Variants in INTS7 observed in about 807,000 individuals in gnomAD.
INTS7 encodes integrator complex subunit 7, also known as chromosome 1 open reading frame 73.
Under a neutral mutation model 109.2 loss-of-function variants are expected in INTS7, and 46 were observed. That is an observed-to-expected ratio of 0.42 (90% confidence interval 0.33 to 0.54). The LOEUF is 0.54. INTS7 is among the 20% of genes least tolerant of loss of function. INTS7 has a pLI of 0.07. For synonymous variants in INTS7, 412 were observed against 402.9 expected (o/e 1.02, Z -0.27); for missense variants, 929 against 1,132.4 (o/e 0.82, Z 2.58).
intron 7 of INTS7, among the ~76,000 whole-genome samples, chr1:212,000,476 G>C (rs1665616503): frequency 6.6e-6 from 1 of 152,102 alleles, no homozygotes; most frequent in South Asian, 2.1e-4. Flanking sequence ...TTCATTTTAA[G>C]ACAGCACAAC....
intron 8 of INTS7, among the ~76,000 whole-genome samples, chr1:211,984,093 T>C (rs959077646): frequency 1.3e-5 from 2 of 152,094 alleles, no homozygotes; most frequent in Non-Finnish European, 2.9e-5. Flanking sequence ...CTCAAACTCT[T>C]GGCTTCAAAA....
chr1:211,969,551 C>CTTTTTTTTTTTTT (rs36104773), intron 13 of INTS7, among the ~76,000 whole-genome samples: 6 of 85,014 alleles, frequency 7.1e-5, no homozygotes, highest in Admixed American at 1.4e-4. Flanking sequence ...TTTTTCTTTT[C>CTTTTTTTTTTTTT]TTTTTTTTTT....
intron 18 of INTS7, 134 bp from the exon 19 acceptor site, chr1:211,945,103 G>A (rs985861648): frequency 1.4e-6 from 1 of 722,538 alleles, no homozygotes; most frequent in East Asian, 2.7e-5. Context: ...GGACCTGACT[G>A]TGCCAGGACA....
chr1:212,017,081 A>C, intron 3 of INTS7, 58 bp from the exon 4 acceptor site: 1 of 1,433,220 alleles, frequency 7.0e-7, no homozygotes, highest in Non-Finnish European at 9.4e-7. Flanking sequence ...AGGTCAGAAA[A>C]GTAAGAGGCA....
intron 1 of INTS7, among the ~76,000 whole-genome samples, chr1:212,033,325 A>G (rs1667254521): frequency 6.6e-6 from 1 of 152,240 alleles, no homozygotes; most frequent in Non-Finnish European, 1.5e-5. Context: ...GGCTATTTCT[A>G]TAACTTAATT....
At chr1:211,996,964 C>A (rs1295073134) in intron 7 of INTS7, among the ~76,000 whole-genome samples, 1 of 151,674 alleles carries the variant, frequency 6.6e-6, no homozygotes, top group Non-Finnish European at 1.5e-5. Flanking sequence ...GTCAAGACTG[C>A]AAAGAGCCGT....
intron 17 of INTS7, among the ~76,000 whole-genome samples, chr1:211,952,000 C>G (rs1663114917): frequency 6.6e-6 from 1 of 152,208 alleles, no homozygotes; most frequent in Admixed American, 6.5e-5. Context: ...AGGGTAAAGG[C>G]TGAAGAGTGT....
intron 5 of INTS7, 83 bp from the exon 6 acceptor site, chr1:212,007,532 C>A (rs1571899474): frequency 1.0e-6 from 1 of 1,000,948 alleles, no homozygotes; most frequent in East Asian, 2.5e-5. Context: ...ACTCATTTAG[C>A]AAAATTGCAC....
chr1:211,971,535 G>GA (rs1664169096), intron 13 of INTS7, among the ~76,000 whole-genome samples: 1 of 152,116 alleles, frequency 6.6e-6, no homozygotes, highest in Admixed American at 6.6e-5. Context: ...GCAAGTCAAA[G>GA]AAAAATATGA....
chr1:211,967,774 G>A (rs1663966995), intron 15 of INTS7, 104 bp downstream of exon 15: 1 of 647,940 alleles, frequency 1.5e-6, no homozygotes. Context: ...TAAATTTATA[G>A]GGTTATTTAA....
intron 17 of INTS7, among the ~76,000 whole-genome samples, chr1:211,947,138 G>C (rs895336641): frequency 2.6e-5 from 4 of 152,190 alleles, no homozygotes; most frequent in Non-Finnish European, 5.9e-5. Context: ...CTTTCATTAG[G>C]TGGCTTGTCT....
rs375628584 is a variant in INTS7, at chr1:211,964,185, T to C, written c.2183+2245A>G. On this transcript the variant is annotated intron_variant, in intron 16 of 19. Coordinates refer to ENST00000366994, the MANE Select transcript of INTS7 (RefSeq NM_015434.4). ...ATATAAAAAATCACTAGTATTCCTA[T>C]ATACCAACAACAGTCGAGCTGAAAG... Among the ~76,000 whole-genome samples, 6 of 152,156 alleles carry C rather than the reference T, an allele frequency of 3.9e-5. No homozygotes were observed. In the East Asian group the frequency reaches 9.6e-4, roughly 24 times the overall value.
intron 16 of INTS7, among the ~76,000 whole-genome samples, chr1:211,960,489 T>C (rs1571851430): frequency 1.3e-5 from 2 of 151,780 alleles, no homozygotes; most frequent in Non-Finnish European, 2.9e-5. Flanking sequence ...GAAATCAGAG[T>C]ATGGATGGGA....
At position 212,020,245 on chromosome 1, in the gene INTS7, A is replaced by G; in HGVS notation, c.248T>C (p.Val83Ala). ...CTCACTTTGTTGGGTAACTTTAAGA[A>G]CACATAGCCTCAGGAAATTATTTCT... ...RVGNNFLRLCVLKVTQQSEKH... is the reference protein window; with the variant it reads ...RVGNNFLRLCALKVTQQSEKH... Residue 83 changes from valine to alanine, a missense_variant, in exon 3 of 20, where the codon GTT becomes GCT. Physicochemically the swap from Val to Ala is moderately conservative, Grantham distance 64. This residue lies in a region of INTS7 where 142 missense variants were observed against 231.4 expected (regional missense o/e 0.61). Coordinates refer to ENST00000366994, the MANE Select transcript of INTS7 (RefSeq NM_015434.4). 6.3e-7 allele frequency: 1 copy of G among 1,591,888 alleles called. No individual in the cohort carries two copies. Among genetic ancestry groups the G allele is most frequent in the Non-Finnish European group, 8.6e-7 (1 of 1,166,296 alleles).
At chr1:212,030,247 A>G (rs115948934) in intron 1 of INTS7, among the ~76,000 whole-genome samples, 2 of 152,156 alleles carry the variant, frequency 1.3e-5, no homozygotes, top group African/African-American at 4.8e-5. Flanking sequence ...ATGTTGCATT[A>G]AGTTGCCCAG....
At position 211,967,982 on chromosome 1, in the gene INTS7, C is replaced by A; in HGVS notation, c.2011-1G>T. 1 of 1,509,016 alleles carries A rather than the reference C, an allele frequency of 6.6e-7. No homozygotes were observed. The highest frequency in any genetic ancestry group is 9.0e-7 in the Non-Finnish European group (1 of 1,105,266). The allele number at this position is 1,509,016 out of a possible 1,614,324, so 93.5% of individuals were successfully genotyped here. On this transcript the variant is annotated splice_acceptor_variant, in intron 14 of 19. Transcript: ENST00000366994. LOFTEE classifies it high-confidence loss of function. ...GAAATTCTTCCATGGACTGTTTCAT[C>A]TATAAAAAAAAATCAATTATGACAA...
At chr1:212,018,914 C>A (rs1666567050) in intron 3 of INTS7, among the ~76,000 whole-genome samples, 1 of 152,004 alleles carries the variant, frequency 6.6e-6, no homozygotes, top group African/African-American at 2.4e-5. Flanking sequence ...TAAAAAATTC[C>A]TATAGGTATA....
chr1:211,941,114 C>T lies in INTS7; in HGVS notation c.*710G>A, dbSNP rs995939009. 6.6e-6 allele frequency: 1 copy of T among 152,202 alleles called. No homozygotes were observed. The highest frequency in any genetic ancestry group is 1.5e-5 in the Non-Finnish European group (1 of 68,060). The allele number at this position is 152,202 out of a possible 1,614,324, so 9.4% of individuals were successfully genotyped here. On this transcript the variant is annotated 3_prime_UTR_variant, in exon 20 of 20. Coordinates refer to ENST00000366994, the MANE Select transcript of INTS7 (RefSeq NM_015434.4). ...TTTCAAGTCCATCTACAGAAGGACTCAGGTTCTGCTACCATGGATAAACCT... is the reference window on the plus strand; with the variant it reads ...TTTCAAGTCCATCTACAGAAGGACTTAGGTTCTGCTACCATGGATAAACCT...
chr1:211,968,459 ACTT>A, intron 14 of INTS7, 51 bp downstream of exon 14: 1 of 1,447,040 alleles, frequency 6.9e-7, no homozygotes, highest in Non-Finnish European at 9.5e-7. Context: ...TCATCTTATA[ACTT>A]CGAAAACCTC....
Sources: gnomAD v4.1 joint callset for allele counts (sites outside exome capture counted in the v4.1 genomes callset) on GRCh38, gnomAD v4.1.1 for gene constraint, gnomAD v4.1.1 regional missense constraint, MANE v1.5 for transcripts, NCBI Gene and HGNC (gene_info 2026-07-23, HGNC 2026-07-21) for gene names.